Variants in ASAP1 observed in about 807,000 individuals in gnomAD.
ASAP1 encodes ArfGAP with SH3 domain, ankyrin repeat and PH domain 1.
Under a neutral mutation model 145.2 loss-of-function variants are expected in ASAP1, and 43 were observed. That is an observed-to-expected ratio of 0.30 (90% CI 0.23 to 0.38). ASAP1 has a LOEUF of 0.38. Among genes scored for constraint, ASAP1 ranks in the 10% least tolerant of loss-of-function variants. The probability of loss-of-function intolerance (pLI) is 1.00; values close to 1 mark genes in which losing one functional copy is unlikely to be tolerated. For synonymous variants in ASAP1, 546 were observed against 515.5 expected (o/e 1.06, Z -0.80); for missense variants, 1,018 against 1,355.3 (o/e 0.75, Z 3.91).
intron 5 of ASAP1, among the ~76,000 whole-genome samples, chr8:130,213,299 G>C (rs1043115863): frequency 4.0e-5 from 6 of 151,688 alleles, no homozygotes; most frequent in African/African-American, 1.2e-4. Flanking sequence ...TAATTCAATG[G>C]CATACATCGC....
At chr8:130,388,557 G>A (rs1196598935) in intron 2 of ASAP1, among the ~76,000 whole-genome samples, 1 of 152,202 alleles carries the variant, frequency 6.6e-6, no homozygotes, top group Non-Finnish European at 1.5e-5. Flanking sequence ...TTGCATGTCT[G>A]TATAATTTGC....
intron 1 of ASAP1, among the ~76,000 whole-genome samples, chr8:130,437,795 ATCCTCCCCAGCTGGCT>A (rs1292989671): frequency 6.6e-6 from 1 of 152,072 alleles, no homozygotes; most frequent in East Asian, 1.9e-4. Flanking sequence ...CCCACGGCTG[ATCCTCCCCAGCTGGCT>A]TCTGCGTAAC....
At chr8:130,223,099 G>A (rs1321615558) in intron 4 of ASAP1, among the ~76,000 whole-genome samples, 1 of 152,140 alleles carries the variant, frequency 6.6e-6, no homozygotes, top group African/African-American at 2.4e-5. Context: ...TAATATAAAA[G>A]CTCTTTTGGA....
intron 25 of ASAP1, among the ~76,000 whole-genome samples, chr8:130,081,039 C>A (rs1431625879): frequency 6.6e-6 from 1 of 152,170 alleles, no homozygotes; most frequent in Non-Finnish European, 1.5e-5. Context: ...TATGCTCTGG[C>A]CTGTGAGACT....
At chr8:130,323,247 T>C (rs1278787461) in intron 3 of ASAP1, among the ~76,000 whole-genome samples, 1 of 152,194 alleles carries the variant, frequency 6.6e-6, no homozygotes, top group Non-Finnish European at 1.5e-5. Context: ...TGCCGTTCTA[T>C]TCAAGCCTGA....
chr8:130,368,362 C>T (rs1827058812), intron 2 of ASAP1, among the ~76,000 whole-genome samples: 1 of 152,228 alleles, frequency 6.6e-6, no homozygotes, highest in Admixed American at 6.5e-5. Flanking sequence ...TTACTCCCAA[C>T]TAATTTTAAC....
chr8:130,440,939 T>C (rs1830468273), intron 1 of ASAP1, among the ~76,000 whole-genome samples: 1 of 152,196 alleles, frequency 6.6e-6, no homozygotes, highest in Non-Finnish European at 1.5e-5. Flanking sequence ...GGTTGTTTCT[T>C]CTGCTTCTTC....
intron 13 of ASAP1, among the ~76,000 whole-genome samples, chr8:130,144,756 G>A (rs12056438): frequency 0.36 from 54,557 of 151,900 alleles, 10,629 homozygotes; most frequent in East Asian, 0.65. Flanking sequence ...TTCATTCTAG[G>A]GTAGATGGCT....
chr8:130,162,155 A>G (rs2097670535), intron 11 of ASAP1, among the ~76,000 whole-genome samples: 1 of 152,168 alleles, frequency 6.6e-6, no homozygotes, highest in East Asian at 1.9e-4. Context: ...AATGTGGTTC[A>G]CTAAGTCCTC....
intron 3 of ASAP1, among the ~76,000 whole-genome samples, chr8:130,262,085 G>A (rs1479777658): frequency 2.0e-5 from 3 of 151,994 alleles, no homozygotes; most frequent in Admixed American, 2.0e-4. Flanking sequence ...TTGTCTTCAT[G>A]TTTCCAGTGC....
intron 9 of ASAP1, among the ~76,000 whole-genome samples, chr8:130,172,121 T>A (rs1036641336): frequency 6.6e-6 from 1 of 152,166 alleles, no homozygotes; most frequent in Admixed American, 6.5e-5. Flanking sequence ...ATAATACAGA[T>A]AGGACATGTG....
intron 1 of ASAP1, among the ~76,000 whole-genome samples, chr8:130,429,744 A>G (rs1470953092): frequency 6.6e-6 from 1 of 152,302 alleles, no homozygotes; most frequent in Non-Finnish European, 1.5e-5. Flanking sequence ...CTTGTTCCAG[A>G]AGGAGAACAC....
chr8:130,199,002 C>T (rs1338496360), intron 5 of ASAP1, among the ~76,000 whole-genome samples: 1 of 152,176 alleles, frequency 6.6e-6, no homozygotes, highest in Non-Finnish European at 1.5e-5. Context: ...TCCCACTTTG[C>T]ACGTGCTTTA....
At chr8:130,088,371 C>T (rs565346584) in intron 25 of ASAP1, among the ~76,000 whole-genome samples, 2 of 152,286 alleles carry the variant, frequency 1.3e-5, no homozygotes, top group Non-Finnish European at 1.5e-5. Context: ...CTCAAGTGAT[C>T]CGCCCGCCTT....
chr8:130,068,723 G>C (rs11776078), intron 27 of ASAP1, among the ~76,000 whole-genome samples: 1,620 of 152,264 alleles, frequency 0.011, 12 homozygotes, highest in Non-Finnish European at 0.019. Flanking sequence ...CTGAGAAGGG[G>C]GACTGTCCAA....
chr8:130,117,037 A>G (rs1315943777), intron 20 of ASAP1, 42 bp from the exon 21 acceptor site: 3 of 1,449,498 alleles, frequency 2.1e-6, no homozygotes, highest in South Asian at 1.2e-5. Context: ...GACTTACTTT[A>G]TAACTTAAAA....
chr8:130,116,831 A>T (rs1442658081), intron 21 of ASAP1, 49 bp downstream of exon 21: 1 of 1,571,162 alleles, frequency 6.4e-7, no homozygotes, highest in Non-Finnish European at 8.8e-7. Context: ...ACAATGTACC[A>T]TGCAACACAC....
chr8:130,431,947 A>T (rs1177390757), intron 1 of ASAP1, among the ~76,000 whole-genome samples: 1 of 110,072 alleles, frequency 9.1e-6, no homozygotes, highest in Admixed American at 1.0e-4. Context: ...GGAGGAGGAA[A>T]GGAGGAAGGA....
rs1338451132 is a variant in ASAP1, at chr8:130,152,675, A to G, written c.1080+61T>C. 4 of 1,220,478 alleles carry G rather than the reference A, an allele frequency of 3.3e-6. No homozygotes were observed. The African/African-American group carries it at 6.0e-5, about 18-fold the overall frequency. 75.6% of individuals were successfully genotyped at this position (1,220,478 alleles called of 1,614,324 possible). ...ATATTTGCGCCAATTTTTACTGCTG[A>G]GTACATAATCGTGTTTGCTTTCTGG... is the stretch of plus-strand genomic sequence containing the variant. On this transcript the variant is annotated intron_variant, in intron 13 of 29. Transcript: ENST00000518721.
Sources: gnomAD v4.1 joint callset for allele counts (sites outside exome capture counted in the v4.1 genomes callset) on GRCh38, gnomAD v4.1.1 for gene constraint, MANE v1.5 for transcripts, NCBI Gene and HGNC (gene_info 2026-07-23, HGNC 2026-07-21) for gene names.